Variants in NUP210L observed in about 807,000 individuals in gnomAD.
NUP210L encodes nucleoporin 210 like.
In NUP210L, 74 loss-of-function variants were observed where a neutral mutation model predicts 208.5. The ratio of observed to expected loss-of-function variants is 0.35; its 90% CI spans 0.29 to 0.43. The LOEUF is 0.43. Ranked by LOEUF, NUP210L falls within the 20% of genes least tolerant of loss-of-function variation. The probability of loss-of-function intolerance (pLI) is 1.00; values close to 1 mark genes in which losing one functional copy is unlikely to be tolerated. For synonymous variants in NUP210L, 780 were observed against 816.9 expected (o/e 0.95, Z 0.77); for missense variants, 1,843 against 2,289.4 (o/e 0.81, Z 3.98).
At chr1:154,135,869 T>C (rs989243755) in exon 7 of NUP210L, 6 of 1,613,682 alleles carry the variant, frequency 3.7e-6, no homozygotes, top group African/African-American at 2.7e-5. Flanking sequence ...TCACCATGGC[T>C]GTTTTGTCAT....
chr1:154,152,925 T>G, intron 1 of NUP210L, 53 bp from the exon 2 acceptor site: 1 of 1,523,634 alleles, frequency 6.6e-7, no homozygotes, highest in Non-Finnish European at 9.1e-7. Flanking sequence ...AAATTAACTT[T>G]TAGTGGAACA....
At chr1:154,142,619 G>A (rs530638589) in intron 3 of NUP210L, among the ~76,000 whole-genome samples, 9 of 152,238 alleles carry the variant, frequency 5.9e-5, no homozygotes, top group Non-Finnish European at 8.8e-5. Context: ...AGGCCAGTGC[G>A]GTGGCTCATG....
exon 35 of NUP210L, chr1:154,010,028 A>G: frequency 6.2e-7 from 1 of 1,613,668 alleles, no homozygotes; most frequent in Non-Finnish European, 8.5e-7. Flanking sequence ...TGGAATGTCT[A>G]GCAAAGTATT....
chr1:154,150,693 A>C (rs1373890725), intron 2 of NUP210L, among the ~76,000 whole-genome samples: 3 of 142,978 alleles, frequency 2.1e-5, no homozygotes, highest in African/African-American at 5.3e-5. Flanking sequence ...GCGCCATTGC[A>C]CTCCAGCCTG....
chr1:154,105,890 A>G (rs547297187), intron 12 of NUP210L, among the ~76,000 whole-genome samples: 1 of 152,336 alleles, frequency 6.6e-6, no homozygotes, highest in Non-Finnish European at 1.5e-5. Context: ...GGTAGTAGCT[A>G]GTCAGTATTT....
intron 32 of NUP210L, among the ~76,000 whole-genome samples, chr1:154,021,347 C>T (rs986625087): frequency 5.3e-5 from 8 of 151,892 alleles, no homozygotes; most frequent in South Asian, 2.1e-4. Flanking sequence ...ATTAGCCAGG[C>T]GTGGTGTTGT....
chr1:154,032,184 T>G (rs561014560), intron 27 of NUP210L, among the ~76,000 whole-genome samples: 1 of 152,220 alleles, frequency 6.6e-6, no homozygotes, highest in Non-Finnish European at 1.5e-5. Context: ...GATACCTCCT[T>G]GATATAATGA....
chr1:154,005,387 C>A (rs1428869944), intron 35 of NUP210L, among the ~76,000 whole-genome samples: 1 of 151,738 alleles, frequency 6.6e-6, no homozygotes, highest in East Asian at 1.9e-4. Flanking sequence ...AGCCACCAGG[C>A]CTGGCTAATT....
chr1:154,012,293 A>C (rs764559926), exon 34 of NUP210L: 1 of 1,613,056 alleles, frequency 6.2e-7, no homozygotes, highest in Non-Finnish European at 8.5e-7. Context: ...GCTTGAATAC[A>C]GTTGAATTGA....
exon 30 of NUP210L, chr1:154,025,681 T>C (rs749520026): frequency 6.2e-7 from 1 of 1,613,638 alleles, no homozygotes; most frequent in Admixed American, 1.7e-5. Flanking sequence ...AGGGAAACAC[T>C]TGAGAACACG....
intron 13 of NUP210L, among the ~76,000 whole-genome samples, chr1:154,100,542 G>T (rs1463743051): frequency 8.1e-6 from 1 of 123,214 alleles, no homozygotes; most frequent in African/African-American, 3.1e-5. Context: ...TTTTGAGATG[G>T]AGTCTCGCTC....
At chr1:154,072,621 C>A (rs570354576) in intron 16 of NUP210L, among the ~76,000 whole-genome samples, 4 of 151,962 alleles carry the variant, frequency 2.6e-5, no homozygotes, top group Non-Finnish European at 5.9e-5. Context: ...CGTGAGCCAC[C>A]GCGCCTGGCA....
At chr1:153,999,810 A>T (rs561234526) in intron 37 of NUP210L, among the ~76,000 whole-genome samples, 86 of 150,998 alleles carry the variant, frequency 5.7e-4, no homozygotes, top group African/African-American at 2.0e-3. Context: ...CTCGTGTTAA[A>T]CTGACAACTA....
chr1:154,065,395 T>A (rs1654352798), intron 17 of NUP210L, among the ~76,000 whole-genome samples: 1 of 152,136 alleles, frequency 6.6e-6, no homozygotes, highest in African/African-American at 2.4e-5. Flanking sequence ...CTCTCCAGCC[T>A]GGGAGACAGA....
At chr1:154,058,580 A>G (rs1221921949) in exon 21 of NUP210L, 2 of 1,613,280 alleles carry the variant, frequency 1.2e-6, no homozygotes, top group South Asian at 2.2e-5. Context: ...CAATCAGATC[A>G]AGCTCCAGCT....
chr1:154,080,513 C>G (rs770877152), intron 16 of NUP210L, among the ~76,000 whole-genome samples: 45 of 151,656 alleles, frequency 3.0e-4, no homozygotes, highest in Non-Finnish European at 5.7e-4. Flanking sequence ...GAAACCCTGT[C>G]TCTACCAAAC....
At chr1:154,018,589 T>C (rs1393896615) in intron 33 of NUP210L, among the ~76,000 whole-genome samples, 1 of 152,156 alleles carries the variant, frequency 6.6e-6, no homozygotes, top group South Asian at 2.1e-4. Context: ...ATACCTAGAA[T>C]CTGATCAACT....
intron 6 of NUP210L, among the ~76,000 whole-genome samples, chr1:154,136,614 C>G (rs1468950840): frequency 6.6e-6 from 1 of 151,734 alleles, no homozygotes; most frequent in East Asian, 1.9e-4. Context: ...CCAATACATA[C>G]TTTAAAAGCT....
At chr1:154,001,791 G>C in exon 36 of NUP210L, 1 of 1,614,096 alleles carries the variant, frequency 6.2e-7, no homozygotes, top group East Asian at 2.2e-5. Flanking sequence ...CCGATATCTT[G>C]TTTGTGGCTA....
Sources: gnomAD v4.1 joint callset for allele counts (sites outside exome capture counted in the v4.1 genomes callset) on GRCh38, gnomAD v4.1.1 for gene constraint, MANE v1.5 for transcripts, NCBI Gene and HGNC (gene_info 2026-07-23, HGNC 2026-07-21) for gene names.